USP50: variants seen among roughly 807,000 people sequenced by gnomAD.
The protein encoded by USP50 is ubiquitin carboxyl-terminal hydrolase 50.
Under a neutral mutation model 39.2 loss-of-function variants are expected in USP50, and 37 were observed. That is an observed-to-expected ratio of 0.94 (90% CI 0.73 to 1.24). The LOEUF (loss-of-function observed/expected upper bound fraction) is 1.24, where lower values mean the gene tolerates loss of function less well. USP50 is among the 50% of genes most tolerant of loss of function. USP50 has a pLI of 0.00. For missense variants in USP50, 374 were observed against 398.2 expected, an observed-to-expected ratio of 0.94 and a Z score of 0.52; for synonymous variants, 139 against 144.5, an observed-to-expected ratio of 0.96 and a Z score of 0.27.
chr15:50,495,577 C>T (rs989666923), downstream of USP50, among the ~76,000 whole-genome samples: 1 of 151,858 alleles, frequency 6.6e-6, no homozygotes, highest in African/African-American at 2.4e-5. Flanking sequence ...GCTGGGATTA[C>T]AAGCATGAAC....
chr15:50,543,788 C>T lies in USP50; in HGVS notation c.254G>A (p.Cys85Tyr). ...GKYITALQND[C>Y]SEVATAFAYL... is the part of the protein sequence containing the mutation. ...GGCAAAAGCAGTGGCAACTTCACTGCAATCGCTTGGAAGAAGAAAGGGATA... is the reference window on the plus strand; with the variant it reads ...GGCAAAAGCAGTGGCAACTTCACTGTAATCGCTTGGAAGAAGAAAGGGATA... The change falls in exon 3 of 7, where the codon TGC becomes TAC. Residue 85 changes from cysteine to tyrosine, a missense_variant. Physicochemically the swap from Cys to Tyr is radical, Grantham distance 194. Transcript: ENST00000532404. 6.2e-7 allele frequency: 1 copy of T among 1,606,696 alleles called. No individual in the cohort carries two copies. Among genetic ancestry groups the T allele is most frequent in the Non-Finnish European group, 8.5e-7 (1 of 1,176,218 alleles).
chr15:50,504,061 A>G (rs1335510566), intron 6 of USP50: 3 of 152,342 alleles, frequency 2.0e-5, no homozygotes, highest in Non-Finnish European at 4.4e-5. Context: ...CATCTTCAGA[A>G]TCAACTAATG....
chr15:50,538,924 CTT>C (rs1405399732), intron 4 of USP50, 73 bp from the exon 5 acceptor site: 1 of 1,474,656 alleles, frequency 6.8e-7, no homozygotes, highest in Non-Finnish European at 9.1e-7. Flanking sequence ...TCTATTGGAA[CTT>C]TGCAAATGCC....
chr15:50,500,218 A>G (rs1224874960), downstream of USP50: 2 of 152,232 alleles, frequency 1.3e-5, no homozygotes, highest in African/African-American at 4.8e-5. Context: ...AGTCTAAGAG[A>G]CCACTTCTTG....
chr15:50,517,399 G>T lies in USP50; in HGVS notation c.936+12398C>A, dbSNP rs542601585. Among the ~76,000 whole-genome samples the T allele has an allele frequency of 4.1e-4, 62 of 152,026 alleles. 1 individual carries two copies. Among genetic ancestry groups the T allele is most frequent in the African/African-American group, 1.3e-3 (55 of 41,450 alleles). ...AGGCAGGAGAATCACTTGAACCTGG[G>T]AGGCAGAAGTTATGGTTAGCAGAGA... On this transcript the variant is annotated intron_variant, in intron 6 of 6. Transcript: ENST00000532404.
At chr15:50,496,397 C>T (rs780038197), downstream of USP50, among the ~76,000 whole-genome samples, 8 of 149,192 alleles carry the variant, frequency 5.4e-5, no homozygotes, top group South Asian at 2.1e-4. Context: ...AGGAGAATGG[C>T]GTGAACCCTG....
intron 6 of USP50, chr15:50,509,683 G>A (rs2052713936): frequency 6.6e-6 from 1 of 151,696 alleles, no homozygotes; most frequent in South Asian, 2.1e-4. Flanking sequence ...ATAAAAAAGA[G>A]ACAAGTCAAC....
chr15:50,537,755 G>A (rs1325460961), intron 5 of USP50, among the ~76,000 whole-genome samples: 4 of 150,742 alleles, frequency 2.7e-5, no homozygotes, highest in Non-Finnish European at 4.4e-5. Context: ...AGCTACTCTG[G>A]AGGCTGAGGC....
intron 5 of USP50, among the ~76,000 whole-genome samples, chr15:50,535,504 G>A (rs953693033): frequency 1.4e-5 from 2 of 146,430 alleles, no homozygotes; most frequent in Non-Finnish European, 3.0e-5. Context: ...TCTGCTCTCA[G>A]ACCACAATGG....
intron 6 of USP50, chr15:50,507,276 CTGTCTCTAAA>C (rs1566901738): frequency 1.3e-5 from 2 of 152,476 alleles, no homozygotes; most frequent in African/African-American, 4.8e-5. Context: ...GAGTGAGACT[CTGTCTCTAAA>C]ACAAAACAAC....
At chr15:50,493,703 C>T (rs2052265464), downstream of USP50, 1 of 373,032 alleles carries the variant, frequency 2.7e-6, no homozygotes, top group South Asian at 2.1e-5. Context: ...CGTGATTGTG[C>T]CGCTATACTC....
chr15:50,529,327 T>C (rs905145964), intron 6 of USP50, among the ~76,000 whole-genome samples: 9 of 146,864 alleles, frequency 6.1e-5, no homozygotes. Flanking sequence ...ATGGGCAGCA[T>C]AGTGAAACCT....
At chr15:50,542,045 TAA>T (rs11399289) in intron 3 of USP50, among the ~76,000 whole-genome samples, 12 of 138,470 alleles carry the variant, frequency 8.7e-5, no homozygotes, top group Admixed American at 2.2e-4. Context: ...CAAGGTTAAT[TAA>T]AAAAAAAAAA....
chr15:50,532,281 C>T, intron 5 of USP50: 3 of 453,552 alleles, frequency 6.6e-6, no homozygotes, highest in South Asian at 1.6e-5. Context: ...GCACCCTGTT[C>T]GTAAAGCCTG....
chr15:50,495,557 T>G (rs2052365059), intron 1 of USP50, among the ~76,000 whole-genome samples: 1 of 151,998 alleles, frequency 6.6e-6, no homozygotes, highest in African/African-American at 2.4e-5. Flanking sequence ...CTGCCTTGGC[T>G]TCCCAGAATG....
intron 5 of USP50, chr15:50,532,347 T>C: frequency 2.6e-6 from 1 of 384,654 alleles, no homozygotes; most frequent in Non-Finnish European, 5.1e-6. Flanking sequence ...TATCAGAGCT[T>C]AACTAACCTG....
chr15:50,543,718 T>G lies in USP50; in HGVS notation c.324A>C (p.Ser108=), dbSNP rs2141381901. The change falls in exon 3 of 7, where the codon TCA becomes TCC. Residue 108 remains serine (S), a synonymous_variant. Transcript: ENST00000532404. ...DMWLGDSDCV[S]PEIFWSALGN... Reference sequence around the variant, plus strand: ...CAAGAGCTGACCAGAATATTTCTGGTGAGACACAGTCTGAGTCTCCCAGCC... The same window carrying G: ...CAAGAGCTGACCAGAATATTTCTGGGGAGACACAGTCTGAGTCTCCCAGCC... 6.2e-7 allele frequency: 1 copy of G among 1,611,600 alleles called. No individual in the cohort carries two copies. The highest frequency in any genetic ancestry group is 8.5e-7 in the Non-Finnish European group (1 of 1,178,740).
chr15:50,497,954 G>C (rs1008181529), downstream of USP50, among the ~76,000 whole-genome samples: 37 of 152,128 alleles, frequency 2.4e-4, no homozygotes, highest in African/African-American at 8.7e-4. Flanking sequence ...TACATGTTCA[G>C]ATTTCTCTTG....
At chr15:50,530,023 TTGAC>T in intron 5 of USP50, 94 bp from the exon 6 acceptor site, 2 of 1,540,094 alleles carry the variant, frequency 1.3e-6, no homozygotes, top group Non-Finnish European at 1.8e-6. Flanking sequence ...AAGTAATTTC[TTGAC>T]TGGGCACAGT....
Sources: gnomAD v4.1 joint callset for allele counts (sites outside exome capture counted in the v4.1 genomes callset) on GRCh38, gnomAD v4.1.1 for gene constraint, MANE v1.5 for transcripts, NCBI Gene and HGNC (gene_info 2026-07-23, HGNC 2026-07-21) for gene names.